MRPS27: variants seen among roughly 807,000 people sequenced by gnomAD.
MRPS27 encodes small ribosomal subunit protein mS27.
In MRPS27, 43 loss-of-function variants were observed where a neutral mutation model predicts 48.9. That is an observed-to-expected ratio of 0.88 (90% CI 0.69 to 1.13). The LOEUF (loss-of-function observed/expected upper bound fraction) is 1.13, where lower values mean the gene tolerates loss of function less well. MRPS27 is among the 50% of genes most tolerant of loss of function. The pLI, the probability that MRPS27 is intolerant of heterozygous loss-of-function variation, is 0.00. For missense variants in MRPS27, 467 were observed against 476.3 expected (o/e 0.98, Z 0.18); for synonymous variants, 188 against 171.9 (o/e 1.09, Z -0.73).
intron 2 of MRPS27, among the ~76,000 whole-genome samples, chr5:72,299,734 G>A (rs957483796): frequency 2.0e-5 from 3 of 152,186 alleles, no homozygotes; most frequent in Admixed American, 6.5e-5. Context: ...GAAAATATCT[G>A]AAATCCTAGG....
At chr5:72,289,852 G>A (rs1456269770) in intron 4 of MRPS27, among the ~76,000 whole-genome samples, 1 of 152,160 alleles carries the variant, frequency 6.6e-6, no homozygotes, top group Non-Finnish European at 1.5e-5. Context: ...ATAGTAGAAG[G>A]AGCAAGTTTA....
At chr5:72,259,167 C>T (rs1313145240) in intron 4 of MRPS27, among the ~76,000 whole-genome samples, 1 of 152,114 alleles carries the variant, frequency 6.6e-6, no homozygotes, top group African/African-American at 2.4e-5. Context: ...ATGTTCCACT[C>T]GGTTTAAAAA....
intron 4 of MRPS27, among the ~76,000 whole-genome samples, chr5:72,291,776 C>A (rs1749825950): frequency 6.6e-6 from 1 of 152,210 alleles, no homozygotes. Flanking sequence ...CTGGCAGAAA[C>A]AGAAGCAAAA....
chr5:72,269,872 A>G (rs1749191201), intron 4 of MRPS27, among the ~76,000 whole-genome samples: 1 of 152,190 alleles, frequency 6.6e-6, no homozygotes, highest in African/African-American at 2.4e-5. Flanking sequence ...CCATAAAAAA[A>G]AAGATTGATA....
chr5:72,268,488 T>C (rs943982184), intron 4 of MRPS27, among the ~76,000 whole-genome samples: 1 of 152,222 alleles, frequency 6.6e-6, no homozygotes, highest in African/African-American at 2.4e-5. Context: ...AACATACCAG[T>C]ATAATTCTGT....
At chr5:72,241,795 G>T in intron 4 of MRPS27, 2 of 1,082,356 alleles carry the variant, frequency 1.8e-6, no homozygotes, top group Non-Finnish European at 2.7e-6. Context: ...CCACCAGCCT[G>T]GCAGATTACA....
intron 3 of MRPS27, 140 bp from the exon 4 acceptor site, chr5:72,295,729 T>C: frequency 1.6e-6 from 1 of 623,954 alleles, no homozygotes; most frequent in Non-Finnish European, 2.8e-6. Context: ...TGGAACAATG[T>C]TCACGTGGTA....
intron 1 of MRPS27, among the ~76,000 whole-genome samples, chr5:72,316,010 T>C (rs528382719): frequency 3.3e-5 from 5 of 152,308 alleles, no homozygotes; most frequent in Admixed American, 6.5e-5. Flanking sequence ...CAAAATGTGG[T>C]CTATCCTTAC....
intron 4 of MRPS27, among the ~76,000 whole-genome samples, chr5:72,281,762 T>C (rs1466815404): frequency 6.6e-6 from 1 of 152,236 alleles, no homozygotes; most frequent in Non-Finnish European, 1.5e-5. Context: ...TGGAGGACTA[T>C]ACTAATCTAT....
intron 4 of MRPS27, chr5:72,241,774 G>A (rs1388625464): frequency 6.8e-6 from 9 of 1,322,050 alleles, no homozygotes; most frequent in African/African-American, 1.5e-5. Flanking sequence ...TTTTGTTCTC[G>A]CCTGCTCTGA....
intron 4 of MRPS27, among the ~76,000 whole-genome samples, chr5:72,292,315 A>AT (rs1749848352): frequency 7.2e-6 from 1 of 138,822 alleles, no homozygotes; most frequent in South Asian, 2.2e-4. Flanking sequence ...TGGTGTTTTC[A>AT]TTTTTTATTT....
intron 1 of MRPS27, among the ~76,000 whole-genome samples, chr5:72,315,471 C>G (rs558233194): frequency 9.3e-5 from 14 of 150,334 alleles, no homozygotes; most frequent in Non-Finnish European, 1.8e-4. Context: ...GTGGGAGAAT[C>G]GACTGAGCCC....
chr5:72,248,072 C>T (rs964154709), intron 4 of MRPS27, among the ~76,000 whole-genome samples: 4 of 152,204 alleles, frequency 2.6e-5, no homozygotes, highest in African/African-American at 9.6e-5. Flanking sequence ...GGTGACCTTT[C>T]TTTCTTCTGC....
chr5:72,303,932 G>C (rs574467133), intron 2 of MRPS27, among the ~76,000 whole-genome samples: 144 of 149,518 alleles, frequency 9.6e-4, no homozygotes, highest in African/African-American at 3.4e-3. Context: ...AGACATTTTT[G>C]GACAAACAAA....
At chr5:72,285,713 C>T (rs1749654363) in intron 4 of MRPS27, among the ~76,000 whole-genome samples, 2 of 152,140 alleles carry the variant, frequency 1.3e-5, no homozygotes, top group African/African-American at 4.8e-5. Context: ...TTTGTAGAAA[C>T]GGAGTCTCAC....
rs1747687113 is a variant in MRPS27, at chr5:72,219,637, T to C, written c.*1272A>G. ...ACTACATAGTAAGCAAAATCTGCTCTGAACCCTTTCACAGAAGAGACACTT... is the reference window on the plus strand; with the variant it reads ...ACTACATAGTAAGCAAAATCTGCTCCGAACCCTTTCACAGAAGAGACACTT... On this transcript the variant is annotated 3_prime_UTR_variant, in exon 11 of 11. Coordinates refer to ENST00000261413, the MANE Select transcript of MRPS27 (RefSeq NM_015084.3). 6.6e-6 allele frequency: 1 copy of C among 152,216 alleles called. No individual in the cohort carries two copies. The allele number at this position is 152,216 out of a possible 1,614,324, so 9.4% of individuals were successfully genotyped here.
chr5:72,255,047 T>C (rs1748764322), intron 4 of MRPS27, among the ~76,000 whole-genome samples: 3 of 139,756 alleles, frequency 2.1e-5, no homozygotes, highest in Non-Finnish European at 3.1e-5. Context: ...TTTTTTTTTT[T>C]TTTTTTTTTG....
At chr5:72,271,559 A>T (rs910411510) in intron 4 of MRPS27, among the ~76,000 whole-genome samples, 3 of 152,222 alleles carry the variant, frequency 2.0e-5, no homozygotes, top group Non-Finnish European at 2.9e-5. Context: ...GACTAATGAG[A>T]TATGACAGGT....
At chr5:72,270,992 C>A (rs887850410) in intron 4 of MRPS27, among the ~76,000 whole-genome samples, 6 of 152,138 alleles carry the variant, frequency 3.9e-5, no homozygotes, top group Non-Finnish European at 8.8e-5. Context: ...ACTTCCTCAA[C>A]CCAATAAAGG....
Sources: gnomAD v4.1 joint callset for allele counts (sites outside exome capture counted in the v4.1 genomes callset) on GRCh38, gnomAD v4.1.1 for gene constraint, MANE v1.5 for transcripts, NCBI Gene and HGNC (gene_info 2026-07-23, HGNC 2026-07-21) for gene names.